PHACTR1: variants seen among roughly 807,000 people sequenced by gnomAD.
The protein encoded by PHACTR1 is RPEL repeat containing 1.
PHACTR1 carries 16 observed loss-of-function variants against 69.2 expected under a neutral mutation model. The observed-to-expected ratio is 0.23, with a 90% CI of 0.16 to 0.35. PHACTR1 has a LOEUF of 0.35. Among genes scored for constraint, PHACTR1 ranks in the 10% least tolerant of loss-of-function variants. The pLI, the probability that PHACTR1 is intolerant of heterozygous loss-of-function variation, is 1.00. For missense variants in PHACTR1, 510 were observed against 734.7 expected, an observed-to-expected ratio of 0.69 and a Z score of 3.54; for synonymous variants, 312 against 284.5, an observed-to-expected ratio of 1.10 and a Z score of -0.97.
chr6:12,924,514 C>A (rs1008081719), intron 4 of PHACTR1, among the ~76,000 whole-genome samples: 3 of 152,102 alleles, frequency 2.0e-5, no homozygotes, highest in Non-Finnish European at 4.4e-5. Context: ...GTGGCTCACG[C>A]CTGTAATCCC....
At chr6:12,872,956 T>C (rs1180439733) in intron 4 of PHACTR1, among the ~76,000 whole-genome samples, 1 of 151,938 alleles carries the variant, frequency 6.6e-6, no homozygotes, top group East Asian at 1.9e-4. Flanking sequence ...CTCGTTCTCC[T>C]TCCTTCCTTC....
At chr6:12,748,411 G>A (rs778065979) in intron 3 of PHACTR1, among the ~76,000 whole-genome samples, 2 of 152,178 alleles carry the variant, frequency 1.3e-5, no homozygotes, top group Non-Finnish European at 2.9e-5. Flanking sequence ...AGCAGGGAGG[G>A]AAGCAAGGTA....
rs1454274027 is a variant in PHACTR1, at chr6:13,283,131, T to A, written c.1510-291T>A. Among the ~76,000 whole-genome samples, 1 of 150,168 alleles carries A rather than the reference T, an allele frequency of 6.7e-6. No individual in the cohort carries two copies. Among genetic ancestry groups the A allele is most frequent in the Non-Finnish European group, 1.5e-5 (1 of 67,954 alleles). ...AGTCTCCTTCCTTGTTTTGAAAATT[T>A]ACATAATAAAAGATTTTTTTTAAGT... On this transcript the variant is annotated intron_variant, in intron 12 of 14. Transcript: ENST00000332995. This position sits in a 1 kb window ranked among gnomAD's most constrained non-coding sequence, Gnocchi z 4.7.
chr6:13,274,876 C>T (rs1359545851), intron 11 of PHACTR1: 1 of 152,238 alleles, frequency 6.6e-6, no homozygotes, highest in Non-Finnish European at 1.5e-5. Context: ...TAAAGAACTA[C>T]TTGACCAATT....
At chr6:12,839,576 C>T (rs1582021518) in intron 4 of PHACTR1, among the ~76,000 whole-genome samples, 2 of 152,142 alleles carry the variant, frequency 1.3e-5, no homozygotes, top group Admixed American at 1.3e-4. Context: ...CCCACTGACC[C>T]CTCATAGGGG....
chr6:12,812,535 A>G (rs987799722), intron 4 of PHACTR1, among the ~76,000 whole-genome samples: 1 of 152,168 alleles, frequency 6.6e-6, no homozygotes, highest in Non-Finnish European at 1.5e-5. Flanking sequence ...AAACCACCCA[A>G]CAAGGCCTAG....
rs552830904 is a variant in PHACTR1 at position 12,926,913 on chromosome 6, C to G, written c.251-126452C>G. Reference sequence around the variant, plus strand: ...GGCCTCATCTTTGAAGTCACCAAGTCTTTTCATGCCTCTGTGCCTTTGTTT... The same window carrying G: ...GGCCTCATCTTTGAAGTCACCAAGTGTTTTCATGCCTCTGTGCCTTTGTTT... On this transcript the variant is annotated intron_variant, in intron 4 of 14. Coordinates refer to ENST00000332995, the MANE Select transcript of PHACTR1 (RefSeq NM_030948.6). Among the ~76,000 whole-genome samples, 112 of 152,352 alleles carry G rather than the reference C, an allele frequency of 7.4e-4. 1 individual carries two copies. The highest frequency in any genetic ancestry group is 2.5e-3 in the African/African-American group (106 of 41,582).
chr6:12,924,501 A>G (rs887857537), intron 4 of PHACTR1, among the ~76,000 whole-genome samples: 2 of 152,158 alleles, frequency 1.3e-5, no homozygotes, highest in Non-Finnish European at 2.9e-5. Context: ...TATGCCGGGC[A>G]CGGTGGCTCA....
intron 3 of PHACTR1, among the ~76,000 whole-genome samples, chr6:12,732,779 T>C (rs1301262736): frequency 6.6e-6 from 1 of 152,216 alleles, no homozygotes; most frequent in East Asian, 1.9e-4. Flanking sequence ...AAAATAATTC[T>C]TTTTACCTTG....
Position 13,198,287 on chromosome 6 carries a change from T to C in PHACTR1, c.665-7528T>C, listed in dbSNP as rs542402542. Among the ~76,000 whole-genome samples, 13 of 152,214 alleles carry C rather than the reference T, an allele frequency of 8.5e-5. 1 individual carries two copies. In the South Asian group the frequency reaches 2.5e-3, roughly 29 times the overall value. The stretch of plus-strand genomic sequence containing the variant: ...AATGAAAGGGATTGAATTGACTCAA[T>C]AGGCAATGCTGTGACACAGGGAAGC... On this transcript the variant is annotated intron_variant, in intron 7 of 14. Transcript: ENST00000332995.
chr6:12,980,556 G>T (rs970169478), intron 4 of PHACTR1, among the ~76,000 whole-genome samples: 1 of 152,038 alleles, frequency 6.6e-6, no homozygotes, highest in Non-Finnish European at 1.5e-5. Flanking sequence ...AGGAGAGTTA[G>T]GGGTTAAAAT....
chr6:12,757,480 A>T (rs954756115), intron 4 of PHACTR1, among the ~76,000 whole-genome samples: 2 of 152,218 alleles, frequency 1.3e-5, no homozygotes, highest in Non-Finnish European at 2.9e-5. Context: ...TTAAAGGATC[A>T]CTGGGGCTGT....
chr6:12,729,751 T>C (rs541614954), intron 3 of PHACTR1, among the ~76,000 whole-genome samples: 1 of 152,104 alleles, frequency 6.6e-6, no homozygotes, highest in African/African-American at 2.4e-5. Context: ...AGGAGAGGCA[T>C]CAGGAGGCTA....
At chr6:12,744,947 T>C (rs1765578970) in intron 3 of PHACTR1, among the ~76,000 whole-genome samples, 1 of 152,114 alleles carries the variant, frequency 6.6e-6, no homozygotes, top group South Asian at 2.1e-4. Context: ...ATAGAAGTGA[T>C]GAGAGTGGAT....
chr6:12,792,270 GC>G (rs1772384314), intron 4 of PHACTR1, among the ~76,000 whole-genome samples: 2 of 151,538 alleles, frequency 1.3e-5, no homozygotes, highest in Admixed American at 6.6e-5. Context: ...TTCGAGACCA[GC>G]CTGACCAACA....
At chr6:13,145,338 TTTAA>T (rs1391390231) in intron 5 of PHACTR1, among the ~76,000 whole-genome samples, 18 of 152,214 alleles carry the variant, frequency 1.2e-4, no homozygotes, top group African/African-American at 4.1e-4. Flanking sequence ...CTCTGAATAG[TTTAA>T]TTTTTTCCTA....
chr6:12,757,742 G>A (rs143420954), intron 4 of PHACTR1, among the ~76,000 whole-genome samples: 67 of 152,248 alleles, frequency 4.4e-4, no homozygotes, highest in African/African-American at 1.6e-3. Flanking sequence ...TTGGGGGCAC[G>A]GAGGATTGGT....
chr6:12,719,654 G>A (rs1366588177), intron 3 of PHACTR1, among the ~76,000 whole-genome samples: 2 of 152,202 alleles, frequency 1.3e-5, no homozygotes, highest in Admixed American at 6.5e-5. Context: ...AAAAGCAGTT[G>A]AATTCTTAGA....
intron 4 of PHACTR1, among the ~76,000 whole-genome samples, chr6:12,831,381 T>G (rs1041647938): frequency 1.3e-5 from 2 of 152,206 alleles, no homozygotes; most frequent in Non-Finnish European, 2.9e-5. Context: ...ACTCAGGACC[T>G]CAGGTACATA....
Sources: allele counts gnomAD v4.1 joint callset (sites outside exome capture counted in the v4.1 genomes callset), GRCh38; gene constraint gnomAD v4.1.1; non-coding constraint Gnocchi (gnomAD v3.1); transcripts MANE v1.5; gene names NCBI Gene and HGNC (gene_info 2026-07-23, HGNC 2026-07-21).